Variants in RBMS1 observed in about 807,000 individuals in gnomAD.
RBMS1 encodes RNA binding motif single stranded interacting protein 1.
Under a neutral mutation model 62.3 loss-of-function variants are expected in RBMS1, and 17 were observed. That is an observed-to-expected ratio of 0.27 (90% CI 0.19 to 0.41). The LOEUF (loss-of-function observed/expected upper bound fraction) is 0.41. Ranked by LOEUF, RBMS1 falls within the 10% of genes least tolerant of loss-of-function variation. The pLI is 1.00. For missense variants in RBMS1, 334 were observed against 504.5 expected, an observed-to-expected ratio of 0.66 and a Z score of 3.24; for synonymous variants, 172 against 170.0, an observed-to-expected ratio of 1.01 and a Z score of -0.09.
chr2:160,402,374 A>G (rs1377517780), intron 1 of RBMS1, among the ~76,000 whole-genome samples: 1 of 152,240 alleles, frequency 6.6e-6, no homozygotes, highest in African/African-American at 2.4e-5. Context: ...GGAAAAAGTA[A>G]TAGTATGTCT....
At chr2:160,398,415 C>G (rs989572121) in intron 1 of RBMS1, among the ~76,000 whole-genome samples, 68 of 152,318 alleles carry the variant, frequency 4.5e-4, no homozygotes, top group African/African-American at 1.6e-3. Flanking sequence ...TCCATGCAGA[C>G]ATGTGAGGCA....
Position 160,342,604 on chromosome 2 carries a change from G to A in RBMS1, c.252-24377C>T, listed in dbSNP as rs571610747. 3.3e-5 allele frequency among the ~76,000 whole-genome samples: 5 copies of A among 152,022 alleles called. No homozygotes were observed. In the South Asian group the frequency reaches 1.0e-3, roughly 32 times the overall value. On this transcript the variant is annotated intron_variant, in intron 2 of 13. Coordinates refer to ENST00000348849, the MANE Select transcript of RBMS1 (RefSeq NM_016836.4). ...CCCATTACCAGTGAAACTTAGGGAT[G>A]TCCAAATGATATGTGAAAAAATAAT...
intron 6 of RBMS1, among the ~76,000 whole-genome samples, chr2:160,294,700 C>G (rs1055720202): frequency 6.6e-6 from 1 of 152,206 alleles, no homozygotes; most frequent in African/African-American, 2.4e-5. Flanking sequence ...AGTATTCTGA[C>G]AGGAATCATC....
intron 1 of RBMS1, among the ~76,000 whole-genome samples, chr2:160,372,893 A>G (rs1693801533): frequency 6.6e-6 from 1 of 152,184 alleles, no homozygotes; most frequent in Non-Finnish European, 1.5e-5. Context: ...AAAAACACAT[A>G]GCTACTAGAT....
intron 1 of RBMS1, among the ~76,000 whole-genome samples, chr2:160,447,919 A>C (rs939588873): frequency 3.9e-5 from 6 of 152,214 alleles, no homozygotes; most frequent in Non-Finnish European, 8.8e-5. Context: ...AGTCTTACTC[A>C]TCACTGAATC....
At chr2:160,393,345 A>G (rs1323254972) in intron 1 of RBMS1, among the ~76,000 whole-genome samples, 3 of 152,212 alleles carry the variant, frequency 2.0e-5, no homozygotes, top group Non-Finnish European at 2.9e-5. Context: ...CACTTGCTCC[A>G]TACTCTCTCT....
At chr2:160,324,891 TATATATATATATATATACACACAC>T (rs1314996297) in intron 2 of RBMS1, among the ~76,000 whole-genome samples, 2 of 97,668 alleles carry the variant, frequency 2.0e-5, no homozygotes, top group East Asian at 4.9e-4. Context: ...TGTATATATA[TATATATATATATATATACACACAC>T]ACACACACAC....
chr2:160,353,688 G>C (rs1387442331), intron 2 of RBMS1, among the ~76,000 whole-genome samples: 1 of 152,052 alleles, frequency 6.6e-6, no homozygotes, highest in Non-Finnish European at 1.5e-5. Flanking sequence ...CAGGAGATAT[G>C]GACTCTTTTC....
rs146490505 is a variant in RBMS1, at chr2:160,329,777, G to A, written c.252-11550C>T. Among the ~76,000 whole-genome samples the A allele has an allele frequency of 4.6e-3, 698 of 151,814 alleles. 4 individuals carry two copies. Among genetic ancestry groups the A allele is most frequent in the African/African-American group, 0.016 (657 of 41,372 alleles). On this transcript the variant is annotated intron_variant, in intron 2 of 13. Transcript: ENST00000348849. ...CTGGGTATGGAGATCAGGGCTAAAA[G>A]TGCTTCTTATCTATATGATTGTCAG...
chr2:160,377,149 T>C (rs1694044736), intron 1 of RBMS1, among the ~76,000 whole-genome samples: 2 of 152,022 alleles, frequency 1.3e-5, no homozygotes. Flanking sequence ...TTGCCTGACC[T>C]CTCCATCCTA....
chr2:160,403,698 A>C (rs1695548214), intron 1 of RBMS1, among the ~76,000 whole-genome samples: 1 of 152,130 alleles, frequency 6.6e-6, no homozygotes, highest in Non-Finnish European at 1.5e-5. Flanking sequence ...ATGCAGAAAA[A>C]TTTTGCATTC....
At chr2:160,331,927 A>AC (rs1286935888) in intron 2 of RBMS1, among the ~76,000 whole-genome samples, 1 of 152,198 alleles carries the variant, frequency 6.6e-6, no homozygotes, top group Non-Finnish European at 1.5e-5. Flanking sequence ...AAAGATGATC[A>AC]CCACTGTGTC....
intron 1 of RBMS1, chr2:160,407,833 C>G: frequency 1.0e-6 from 1 of 981,252 alleles, no homozygotes; most frequent in Non-Finnish European, 1.2e-6. Flanking sequence ...GCGGCGTCGC[C>G]GACTCTCCCG....
At chr2:160,365,458 AAAG>A (rs892280366) in intron 2 of RBMS1, among the ~76,000 whole-genome samples, 1 of 152,236 alleles carries the variant, frequency 6.6e-6, no homozygotes, top group Non-Finnish European at 1.5e-5. Context: ...GAACAACAAA[AAAG>A]AAATGAATAT....
chr2:160,313,058 T>G, intron 4 of RBMS1, 98 bp downstream of exon 4: 1 of 1,149,246 alleles, frequency 8.7e-7, no homozygotes, highest in Non-Finnish European at 1.3e-6. Context: ...CTGAGTGGGA[T>G]GAAGGGGAGA....
chr2:160,313,192 G>A lies in RBMS1; in HGVS notation c.366C>T (p.Ala122=), dbSNP rs1190521833. ...SPAAAQKAVS[A]LKASGVQAQM... is the part of the protein sequence containing the mutation. ...GAGCTTGAACCCCACTGGCCTTCAG[G>A]GCAGACACAGCTTTTTGAGCTGCTG... is the stretch of plus-strand genomic sequence containing the variant. Residue 122 remains alanine (A), a synonymous_variant, in exon 4 of 14, where the codon GCC becomes GCT. Coordinates refer to ENST00000348849, the MANE Select transcript of RBMS1 (RefSeq NM_016836.4). 16 of 1,613,424 alleles carry A rather than the reference G, an allele frequency of 9.9e-6. No individual in the cohort carries two copies. The highest frequency in any genetic ancestry group is 1.7e-4 in the Middle Eastern group (1 of 6,056).
At chr2:160,284,952 A>T in intron 8 of RBMS1, 43 bp downstream of exon 8, 1 of 1,589,470 alleles carries the variant, frequency 6.3e-7, no homozygotes, top group Non-Finnish European at 8.6e-7. Context: ...TTCCACCTTC[A>T]CATTTTCCCT....
At chr2:160,354,181 A>G (rs1415843630) in intron 2 of RBMS1, among the ~76,000 whole-genome samples, 1 of 152,150 alleles carries the variant, frequency 6.6e-6, no homozygotes, top group African/African-American at 2.4e-5. Context: ...AGAGATGTAA[A>G]GTTCTGTAAT....
chr2:160,320,218 A>T (rs1022397453), intron 2 of RBMS1, among the ~76,000 whole-genome samples: 2 of 152,240 alleles, frequency 1.3e-5, no homozygotes, highest in Non-Finnish European at 2.9e-5. Flanking sequence ...CTGTAATACC[A>T]GCACTTTGGA....
Sources: gnomAD v4.1 joint callset for allele counts (sites outside exome capture counted in the v4.1 genomes callset) on GRCh38, gnomAD v4.1.1 for gene constraint, MANE v1.5 for transcripts, NCBI Gene and HGNC (gene_info 2026-07-23, HGNC 2026-07-21) for gene names.